Variants in IL1RAPL1 observed in about 807,000 individuals in gnomAD.
IL1RAPL1 encodes interleukin-1 receptor accessory protein-like 1.
In IL1RAPL1, 3 loss-of-function variants were observed where a neutral mutation model predicts 48.4. The observed-to-expected ratio is 0.06, with a 90% CI of 0.03 to 0.16. IL1RAPL1 has a LOEUF of 0.16. Ranked by LOEUF, IL1RAPL1 falls within the 10% of genes least tolerant of loss-of-function variation. The pLI, the probability that IL1RAPL1 is intolerant of heterozygous loss-of-function variation, is 1.00. For synonymous variants in IL1RAPL1, 185 were observed against 187.7 expected, an observed-to-expected ratio of 0.99 and a Z score of 0.12; for missense variants, 349 against 530.6, an observed-to-expected ratio of 0.66 and a Z score of 3.36.
At chrX:29,121,344 A>G (rs770582793) in intron 2 of IL1RAPL1, among the ~76,000 whole-genome samples, 1 of 112,419 alleles carries the variant, frequency 8.9e-6, no homozygotes, top group East Asian at 2.8e-4. Flanking sequence ...TTGTTAAGTC[A>G]AAAGTGCATT....
intron 3 of IL1RAPL1, among the ~76,000 whole-genome samples, chrX:29,283,436 G>A (rs949110924): frequency 8.1e-4 from 91 of 112,256 alleles, no homozygotes; most frequent in African/African-American, 2.9e-3. Context: ...CATCTGGGTA[G>A]CTACTTATGT....
At chrX:29,086,130 C>A (rs1433171757) in intron 2 of IL1RAPL1, among the ~76,000 whole-genome samples, 1 of 112,093 alleles carries the variant, frequency 8.9e-6, no homozygotes, top group Non-Finnish European at 1.9e-5. Context: ...GGGTTGATTT[C>A]AGTGCTAAGA....
At chrX:29,761,442 A>G (rs1436593334) in intron 6 of IL1RAPL1, among the ~76,000 whole-genome samples, 2 of 111,936 alleles carry the variant, frequency 1.8e-5, no homozygotes, top group African/African-American at 3.2e-5. Flanking sequence ...ATCACACAAC[A>G]TATTATAGAA....
At chrX:29,433,120 A>G (rs1934440574) in intron 5 of IL1RAPL1, among the ~76,000 whole-genome samples, 1 of 109,757 alleles carries the variant, frequency 9.1e-6, no homozygotes, top group South Asian at 3.9e-4. Context: ...ACAGTATCTA[A>G]GATTTGTTTG....
chrX:29,797,873 AAAAAC>A (rs932390275), intron 6 of IL1RAPL1, among the ~76,000 whole-genome samples: 47 of 111,464 alleles, frequency 4.2e-4, no homozygotes, highest in African/African-American at 1.4e-3. Flanking sequence ...ACTCCATCTC[AAAAAC>A]AAAACAAAAC....
chrX:28,816,322 G>A (rs1936871523), intron 2 of IL1RAPL1, among the ~76,000 whole-genome samples: 3 of 109,818 alleles, frequency 2.7e-5, no homozygotes, highest in African/African-American at 9.9e-5. Context: ...GCTAAGGTGT[G>A]GGGTACAAAT....
chrX:29,169,373 T>C (rs188757912), intron 2 of IL1RAPL1, among the ~76,000 whole-genome samples: 21 of 110,699 alleles, frequency 1.9e-4, no homozygotes, highest in Non-Finnish European at 2.7e-4. Flanking sequence ...TGTGGCATCA[T>C]TGTGTTTTAA....
intron 6 of IL1RAPL1, among the ~76,000 whole-genome samples, chrX:29,882,866 A>G (rs1932060274): frequency 8.9e-6 from 1 of 112,166 alleles, no homozygotes; most frequent in African/African-American, 3.2e-5. Flanking sequence ...AGAAACTAAA[A>G]TTACTATATC....
intron 6 of IL1RAPL1, among the ~76,000 whole-genome samples, chrX:29,832,854 A>G (rs1237940830): frequency 9.1e-6 from 1 of 110,046 alleles, no homozygotes; most frequent in East Asian, 2.8e-4. Context: ...GTTGGCTTTG[A>G]TGTTCACTGT....
chrX:29,256,264 A>T (rs1384523033), intron 2 of IL1RAPL1, among the ~76,000 whole-genome samples: 2 of 111,417 alleles, frequency 1.8e-5, no homozygotes, highest in African/African-American at 3.3e-5. Flanking sequence ...TTGATTAATT[A>T]ATTTATTTAT....
At chrX:29,340,966 C>A (rs1280314973) in intron 3 of IL1RAPL1, among the ~76,000 whole-genome samples, 1 of 112,043 alleles carries the variant, frequency 8.9e-6, no homozygotes, top group Non-Finnish European at 1.9e-5. Context: ...AAGCTAGAGA[C>A]ATTTCCTGGC....
intron 3 of IL1RAPL1, among the ~76,000 whole-genome samples, chrX:29,317,557 AACCTT>A (rs902680632): frequency 8.9e-6 from 1 of 112,478 alleles, no homozygotes; most frequent in African/African-American, 3.2e-5. Flanking sequence ...CAGAAATAAA[AACCTT>A]AAGGAGCATC....
chrX:28,814,825 A>G (rs1248301488), intron 2 of IL1RAPL1, among the ~76,000 whole-genome samples: 1 of 107,346 alleles, frequency 9.3e-6, no homozygotes, highest in Non-Finnish European at 1.9e-5. Context: ...CTTCTCTCTT[A>G]GCATATCAAT....
intron 6 of IL1RAPL1, among the ~76,000 whole-genome samples, chrX:29,875,622 G>T (rs1003375611): frequency 4.5e-5 from 5 of 111,675 alleles, no homozygotes; most frequent in Admixed American, 9.6e-5. Context: ...GCTTGCATCA[G>T]TCTAGAGTTC....
intron 5 of IL1RAPL1, among the ~76,000 whole-genome samples, chrX:29,541,538 C>T (rs1169132380): frequency 2.7e-5 from 3 of 111,612 alleles, no homozygotes; most frequent in Non-Finnish European, 5.6e-5. Flanking sequence ...CCTAGGTGCC[C>T]ATCAAAGGTG....
At chrX:29,420,855 C>T (rs1312718994) in intron 5 of IL1RAPL1, among the ~76,000 whole-genome samples, 1 of 111,731 alleles carries the variant, frequency 9.0e-6, no homozygotes, top group African/African-American at 3.2e-5. Context: ...AACTATTTTA[C>T]TTGAAAGTCT....
At chrX:29,585,024 A>G (rs1003929082) in intron 5 of IL1RAPL1, among the ~76,000 whole-genome samples, 1 of 111,716 alleles carries the variant, frequency 9.0e-6, no homozygotes, top group Admixed American at 9.5e-5. Flanking sequence ...TAATTTCCTC[A>G]TCTTCTTTTT....
chrX:29,039,832 T>A (rs1160215987), intron 2 of IL1RAPL1, among the ~76,000 whole-genome samples: 1 of 105,917 alleles, frequency 9.4e-6, no homozygotes, highest in East Asian at 3.0e-4. Flanking sequence ...TAATGGCAAC[T>A]GGCCAAAGAC....
intron 5 of IL1RAPL1, among the ~76,000 whole-genome samples, chrX:29,639,616 A>G (rs1334381305): frequency 1.9e-5 from 2 of 107,186 alleles, no homozygotes; most frequent in East Asian, 2.9e-4. Context: ...TCTGTAGTTA[A>G]GAAGGGCAGG....
Sources: allele counts gnomAD v4.1 joint callset (sites outside exome capture counted in the v4.1 genomes callset), GRCh38; gene constraint gnomAD v4.1.1; transcripts MANE v1.5; gene names NCBI Gene and HGNC (gene_info 2026-07-23, HGNC 2026-07-21).